Variants in ROBO1 observed in about 807,000 individuals in gnomAD.
ROBO1 encodes the protein roundabout guidance receptor 1, also known as roundabout homolog 1.
A neutral mutation model predicts 195.9 loss-of-function variants in ROBO1; 149 were observed. That is an observed-to-expected ratio of 0.76 (90% CI 0.67 to 0.87). ROBO1 has a LOEUF of 0.87. Ranked by LOEUF, ROBO1 falls within the 40% of genes least tolerant of loss-of-function variation. The pLI, the probability that ROBO1 is intolerant of heterozygous loss-of-function variation, is 0.00. For missense variants in ROBO1, 1,933 were observed against 2,068.3 expected, an observed-to-expected ratio of 0.93 and a Z score of 1.27; for synonymous variants, 816 against 733.2, an observed-to-expected ratio of 1.11 and a Z score of -1.82.
At chr3:79,545,129 C>A (rs1211128496) in intron 2 of ROBO1, among the ~76,000 whole-genome samples, 1 of 152,002 alleles carries the variant, frequency 6.6e-6, no homozygotes, top group Non-Finnish European at 1.5e-5. Context: ...ACTCAATGAG[C>A]TGCGTATGAT....
intron 19 of ROBO1, among the ~76,000 whole-genome samples, chr3:78,650,957 A>G (rs936784730): frequency 3.9e-5 from 6 of 152,200 alleles, no homozygotes; most frequent in Admixed American, 2.6e-4. Context: ...ATGGAGGATC[A>G]TCTGTCTGAC....
At chr3:79,551,868 A>T (rs1022690546) in intron 2 of ROBO1, among the ~76,000 whole-genome samples, 1 of 151,756 alleles carries the variant, frequency 6.6e-6, no homozygotes. Context: ...TAGGTAAGTA[A>T]ACTGAGCATG....
At position 78,958,819 on chromosome 3, in the gene ROBO1, C is replaced by CT. The variant is rs753439088; in HGVS notation, c.173-19893dup. On this transcript the variant is annotated intron_variant, in intron 3 of 30. Transcript: ENST00000464233. ...GGATGCTTGGTCACCCTTTCTTCTT[C>CT]TTTTTTTTTTTTTTTTTTTCCTTGA... Among the ~76,000 whole-genome samples, 461 of 130,594 alleles carry CT rather than the reference C, an allele frequency of 3.5e-3. 2 individuals are homozygous for CT. The highest frequency in any genetic ancestry group is 0.013 in the East Asian group (59 of 4,496). The allele number at this position is 130,594 out of a possible 152,430, so 85.7% of individuals were successfully genotyped here.
chr3:79,159,908 C>A (rs990521530), intron 2 of ROBO1, among the ~76,000 whole-genome samples: 7 of 151,692 alleles, frequency 4.6e-5, no homozygotes, highest in African/African-American at 1.7e-4. Context: ...GGAAAAGAAA[C>A]TGCTTCTTGT....
intron 2 of ROBO1, among the ~76,000 whole-genome samples, chr3:79,165,059 T>C (rs1270100425): frequency 6.6e-6 from 1 of 152,180 alleles, no homozygotes; most frequent in Admixed American, 6.6e-5. Context: ...TTATGTTACA[T>C]CACTGCCAGC....
At chr3:79,473,841 G>GA (rs563437244) in intron 2 of ROBO1, among the ~76,000 whole-genome samples, 1,544 of 152,000 alleles carry the variant, frequency 0.01, 25 homozygotes, top group African/African-American at 0.036. Context: ...TTAATAAACA[G>GA]AAAAAAATTA....
intron 26 of ROBO1, among the ~76,000 whole-genome samples, chr3:78,623,760 T>A (rs951360815): frequency 4.6e-5 from 7 of 152,146 alleles, no homozygotes; most frequent in African/African-American, 1.7e-4. Flanking sequence ...TGGAGATATG[T>A]GTATCACTCA....
At chr3:79,225,870 C>T (rs1453122704) in intron 2 of ROBO1, among the ~76,000 whole-genome samples, 1 of 152,074 alleles carries the variant, frequency 6.6e-6, no homozygotes, top group Non-Finnish European at 1.5e-5. Flanking sequence ...AATTACTCTC[C>T]CCATCCAGGA....
At chr3:78,633,406 C>G (rs1402880005) in intron 24 of ROBO1, among the ~76,000 whole-genome samples, 2 of 152,128 alleles carry the variant, frequency 1.3e-5, no homozygotes, top group Non-Finnish European at 2.9e-5. Flanking sequence ...CACTTACAGA[C>G]TGAGGTTGGG....
chr3:79,583,524 GA>G (rs1323213284), intron 2 of ROBO1, among the ~76,000 whole-genome samples: 1 of 151,692 alleles, frequency 6.6e-6, no homozygotes, highest in Non-Finnish European at 1.5e-5. Context: ...TCTTCCTAAG[GA>G]AGAAGAAAAT....
At chr3:79,496,818 TCATAGGGAATTAAAGTATACTATCAC>T (rs1180144103) in intron 2 of ROBO1, among the ~76,000 whole-genome samples, 1 of 152,050 alleles carries the variant, frequency 6.6e-6, no homozygotes, top group African/African-American at 2.4e-5. Flanking sequence ...ATAATATCTG[TCATAGGGAATTAAAGTATACTATCAC>T]ATATGTAAAT....
chr3:78,940,970 AAT>A (rs1429672281), intron 3 of ROBO1, among the ~76,000 whole-genome samples: 2 of 152,336 alleles, frequency 1.3e-5, no homozygotes, highest in African/African-American at 4.8e-5. Flanking sequence ...AAGACAGGAA[AAT>A]ATGTTATTTT....
intron 3 of ROBO1, among the ~76,000 whole-genome samples, chr3:79,067,709 C>A (rs535781977): frequency 1.2e-4 from 19 of 152,090 alleles, no homozygotes; most frequent in African/African-American, 4.3e-4. Context: ...TAGTTATCTA[C>A]CTGTGTGGCA....
intron 3 of ROBO1, among the ~76,000 whole-genome samples, chr3:79,107,356 A>T (rs2079803811): frequency 6.6e-6 from 1 of 151,834 alleles, no homozygotes; most frequent in Non-Finnish European, 1.5e-5. Context: ...ATTATCTGAT[A>T]AATTGTGTTA....
At chr3:79,674,740 G>A (rs569460232) in intron 1 of ROBO1, among the ~76,000 whole-genome samples, 1 of 151,824 alleles carries the variant, frequency 6.6e-6, no homozygotes, top group East Asian at 1.9e-4. Context: ...TTATGAAAGA[G>A]AAACTTTTGC....
At chr3:79,622,090 C>T (rs1945026125) in intron 1 of ROBO1, among the ~76,000 whole-genome samples, 1 of 152,088 alleles carries the variant, frequency 6.6e-6, no homozygotes, top group African/African-American at 2.4e-5. Flanking sequence ...TGGCAGCCCA[C>T]CTGAAAGCCA....
At position 78,606,754 on chromosome 3, in the gene ROBO1, C is replaced by A. The variant is rs373928774; in HGVS notation, c.4723G>T (p.Ala1575Ser). ...NKAAKRDLPP[A>S]KTHLIQEDIL... ...GTACCTTGGATGAGATGAGTCTTTGCTGGTGGAAGGTCTCGTTTTGCTGCC... is the reference window on the plus strand; with the variant it reads ...GTACCTTGGATGAGATGAGTCTTTGATGGTGGAAGGTCTCGTTTTGCTGCC... Residue 1575 changes from alanine to serine, a missense_variant, in exon 29 of 31, where the codon GCA (alanine) becomes TCA (serine). Around this residue, in one of 3 missense-constraint regions of ROBO1, gnomAD observed 1,737 missense variants for 1,882.5 expected, o/e 0.92. Coordinates refer to ENST00000464233, the MANE Select transcript of ROBO1 (RefSeq NM_002941.4). 2.4e-5 allele frequency: 39 copies of A among 1,613,686 alleles called. No individual in the cohort carries two copies. The highest frequency in any genetic ancestry group is 3.3e-5 in the Non-Finnish European group (39 of 1,179,810).
intron 3 of ROBO1, among the ~76,000 whole-genome samples, chr3:79,017,510 C>A (rs1376037466): frequency 6.8e-6 from 1 of 146,350 alleles, no homozygotes; most frequent in Non-Finnish European, 1.5e-5. Context: ...AGCCTGAAAT[C>A]GGATCCGTGA....
intron 2 of ROBO1, among the ~76,000 whole-genome samples, chr3:79,334,027 T>G (rs895338227): frequency 2.0e-5 from 3 of 152,030 alleles, no homozygotes; most frequent in African/African-American, 7.2e-5. Context: ...ACTTCCAGGC[T>G]GGGTGTGGTG....
Sources: gnomAD v4.1 joint callset for allele counts (sites outside exome capture counted in the v4.1 genomes callset) on GRCh38, gnomAD v4.1.1 for gene constraint, gnomAD v4.1.1 regional missense constraint, MANE v1.5 for transcripts, NCBI Gene and HGNC (gene_info 2026-07-23, HGNC 2026-07-21) for gene names.